Variants in SLC60A1 observed in about 807,000 individuals in gnomAD.
The protein encoded by SLC60A1 is solute carrier family 60 member 1.
the SLC60A1 span, chr1:205,601,349 C>T: frequency 6.6e-6 from 1 of 152,120 alleles, no homozygotes; most frequent in Non-Finnish European, 1.5e-5. Context: ...TTGAAATCAG[C>T]CTGGTGGGAG....
At chr1:205,586,317 G>A in the SLC60A1 span, 1 of 1,319,300 alleles carries the variant, frequency 7.6e-7, no homozygotes, top group Non-Finnish European at 1.1e-6. Flanking sequence ...CAGCAGGATG[G>A]GAACTCAGGA....
the SLC60A1 span, among the ~76,000 whole-genome samples, chr1:205,590,702 T>C: frequency 6.6e-6 from 1 of 152,134 alleles, no homozygotes; most frequent in Non-Finnish European, 1.5e-5. Context: ...GGGAGCTGGA[T>C]GAGATTTCTT....
the SLC60A1 span, chr1:205,601,632 GGA>G: frequency 6.6e-6 from 1 of 152,206 alleles, no homozygotes; most frequent in South Asian, 2.1e-4. Context: ...TTGCCAGGCT[GGA>G]ATGCAGTGGC....
the SLC60A1 span, among the ~76,000 whole-genome samples, chr1:205,587,786 G>A: frequency 6.6e-6 from 1 of 152,130 alleles, no homozygotes; most frequent in African/African-American, 2.4e-5. Context: ...GGGGCGAAAC[G>A]ATGTCAAAGG....
the SLC60A1 span, chr1:205,583,877 T>C: frequency 9.5e-6 from 14 of 1,479,622 alleles, no homozygotes; most frequent in African/African-American, 2.8e-5. Flanking sequence ...ACTATGCACA[T>C]GCAGTGTGTG....
chr1:205,577,887 C>T, the SLC60A1 span, among the ~76,000 whole-genome samples: 3 of 152,234 alleles, frequency 2.0e-5, no homozygotes, highest in Non-Finnish European at 4.4e-5. The surrounding 1 kb of genome is among the most constrained non-coding windows in gnomAD (Gnocchi z 5.2). Flanking sequence ...ATGGGCACAA[C>T]GACAAAGCCT....
chr1:205,589,625 T>C, the SLC60A1 span, among the ~76,000 whole-genome samples: 23 of 152,120 alleles, frequency 1.5e-4, no homozygotes, highest in Middle Eastern at 0.017. Flanking sequence ...TTTATTATTG[T>C]TTTTTTTAGA....
the SLC60A1 span, among the ~76,000 whole-genome samples, chr1:205,589,798 G>A: frequency 6.6e-6 from 1 of 151,810 alleles, no homozygotes; most frequent in African/African-American, 2.4e-5. Context: ...AGAACAGACT[G>A]TAGCTGGCAA....
the SLC60A1 span, among the ~76,000 whole-genome samples, chr1:205,575,262 G>C: frequency 2.0e-5 from 3 of 152,160 alleles, no homozygotes; most frequent in African/African-American, 7.2e-5. Flanking sequence ...CTTCTCCCCT[G>C]GTCCTTCGAG....
At chr1:205,592,544 C>T in the SLC60A1 span, among the ~76,000 whole-genome samples, 1 of 152,016 alleles carries the variant, frequency 6.6e-6, no homozygotes, top group African/African-American at 2.4e-5. Flanking sequence ...TCTCCCCACC[C>T]CACAACTGTC....
the SLC60A1 span, among the ~76,000 whole-genome samples, chr1:205,581,354 A>C: frequency 6.6e-6 from 1 of 152,208 alleles, no homozygotes; most frequent in East Asian, 1.9e-4. The surrounding 1 kb of genome is among the most constrained non-coding windows in gnomAD (Gnocchi z 4.2). Flanking sequence ...GGAGACAGAC[A>C]AGATGACCTC....
At chr1:205,584,961 C>T in the SLC60A1 span, 1 of 1,614,054 alleles carries the variant, frequency 6.2e-7, no homozygotes. Context: ...TCACGGGCGC[C>T]CTGGTACTGT....
At chr1:205,602,804 T>TAGAA in the SLC60A1 span, 27 of 152,324 alleles carry the variant, frequency 1.8e-4, no homozygotes, top group African/African-American at 6.5e-4. Context: ...TATACAGATT[T>TAGAA]AGAAAGAAGA....
the SLC60A1 span, chr1:205,602,735 C>A: frequency 1.3e-5 from 2 of 152,096 alleles, no homozygotes; most frequent in East Asian, 3.8e-4. Context: ...GAGTAACTGA[C>A]CTGGGCAATG....
chr1:205,578,255 A>T, the SLC60A1 span, among the ~76,000 whole-genome samples: 12 of 152,186 alleles, frequency 7.9e-5, no homozygotes, highest in Non-Finnish European at 1.6e-4. Flanking sequence ...CTCTCTGGCT[A>T]TCCCTGAAGT....
chr1:205,598,852 TGATA>T, the SLC60A1 span: 1 of 463,818 alleles, frequency 2.2e-6, no homozygotes. Flanking sequence ...GCTTCAGTGA[TGATA>T]GAGATCGTCA....
chr1:205,592,363 G>C, the SLC60A1 span: 55 of 1,280,226 alleles, frequency 4.3e-5, no homozygotes, highest in African/African-American at 1.6e-4. Flanking sequence ...CTGTCTCTCT[G>C]TGCTCTTTTT....
chr1:205,579,971 A>G, the SLC60A1 span: 1 of 1,605,248 alleles, frequency 6.2e-7, no homozygotes, highest in South Asian at 1.1e-5. Context: ...CAGCAGGCAC[A>G]GGGCTGGGAG....
chr1:205,579,213 G>A, the SLC60A1 span, among the ~76,000 whole-genome samples: 11 of 152,200 alleles, frequency 7.2e-5, no homozygotes, highest in African/African-American at 2.7e-4. Context: ...GTGGGCGCTG[G>A]TGTGGGCGTC....
Sources: gnomAD v4.1 joint callset for allele counts (sites outside exome capture counted in the v4.1 genomes callset) on GRCh38, gnomAD v4.1.1 for gene constraint, Gnocchi (gnomAD v3.1) non-coding constraint, MANE v1.5 for transcripts, NCBI Gene and HGNC (gene_info 2026-07-23, HGNC 2026-07-21) for gene names.